Variants in DIDO1 observed in about 807,000 individuals in gnomAD.
DIDO1 encodes death-inducer obliterator 1.
A neutral mutation model predicts 99.4 loss-of-function variants in DIDO1; 16 were observed. That is an observed-to-expected ratio of 0.16 (90% CI 0.11 to 0.24). DIDO1 has a LOEUF of 0.24. Among genes scored for constraint, DIDO1 ranks in the 10% least tolerant of loss-of-function variants. The probability of loss-of-function intolerance (pLI) is 1.00; values close to 1 mark genes in which losing one functional copy is unlikely to be tolerated. For missense variants in DIDO1, 2,996 were observed against 3,014.0 expected, an observed-to-expected ratio of 0.99 and a Z score of 0.14; for synonymous variants, 1,366 against 1,239.1, an observed-to-expected ratio of 1.10 and a Z score of -2.15.
In DIDO1 at chr20:62,880,133, A is replaced by T; in HGVS notation, c.5823T>A (p.His1941Gln). The T allele has an allele frequency of 1.2e-6, 2 of 1,612,488 alleles. No homozygotes were observed. The highest frequency in any genetic ancestry group is 1.7e-6 in the Non-Finnish European group (2 of 1,179,956). The change falls in exon 16 of 16, where the codon CAT becomes CAA. Residue 1941 changes from histidine to glutamine, a missense_variant. Transcript: ENST00000395343. The part of the protein sequence containing the change: ...PSQFETARGP[H>Q]PNQFEGPRGQ... Reference sequence around the variant, plus strand: ...CTCTGGGTCCTTCAAACTGGTTGGGATGAGGGCCCCGGGCAGTTTCAAACT... The same window carrying T: ...CTCTGGGTCCTTCAAACTGGTTGGGTTGAGGGCCCCGGGCAGTTTCAAACT...
chr20:62,901,224 C>T (rs1456556139), intron 6 of DIDO1, among the ~76,000 whole-genome samples: 1 of 152,232 alleles, frequency 6.6e-6, no homozygotes, highest in Non-Finnish European at 1.5e-5. Flanking sequence ...CTTGCAGGGT[C>T]CACAGCTAGA....
chr20:62,892,453 T>G (rs945904660), intron 13 of DIDO1, among the ~76,000 whole-genome samples: 1 of 152,200 alleles, frequency 6.6e-6, no homozygotes, highest in African/African-American at 2.4e-5. Context: ...CGGGGTCATA[T>G]GCGCCACCCC....
intron 6 of DIDO1, among the ~76,000 whole-genome samples, chr20:62,903,261 C>T (rs1329723565): frequency 3.9e-5 from 6 of 152,246 alleles, no homozygotes; most frequent in African/African-American, 1.4e-4. Flanking sequence ...GGCAGAGTGT[C>T]TGTGCACACC....
rs780411026 is a variant in DIDO1, at chr20:62,897,052, C to T, written c.1589-56G>A. On this transcript the variant is annotated intron_variant, in intron 6 of 15. Transcript: ENST00000395343. ...GGAGGACACCACAGGGTGCTGTCAC[C>T]TGACTCTAAAAAGCAGACTTACCCT... is the stretch of plus-strand genomic sequence containing the variant. 3.3e-6 allele frequency: 5 copies of T among 1,505,250 alleles called. No individual in the cohort carries two copies. In the Admixed American group the frequency reaches 1.1e-4, roughly 34 times the overall value. 93.2% of individuals were successfully genotyped at this position (1,505,250 alleles called of 1,614,324 possible). A position where few individuals can be genotyped will look rare whatever the true frequency, so the allele number is the denominator to read the frequency against.
At chr20:62,899,038 T>C (rs2064600861) in intron 6 of DIDO1, among the ~76,000 whole-genome samples, 1 of 149,122 alleles carries the variant, frequency 6.7e-6, no homozygotes, top group East Asian at 2.0e-4. Flanking sequence ...AGCGAGGGGG[T>C]GGGGTGAGGA....
intron 6 of DIDO1, among the ~76,000 whole-genome samples, chr20:62,901,375 G>A (rs888314054): frequency 2.0e-5 from 3 of 152,198 alleles, no homozygotes; most frequent in African/African-American, 7.2e-5. Context: ...TGGACAGATG[G>A]ACGTTCCACT....
chr20:62,885,305 C>G (rs1358794869), intron 15 of DIDO1, among the ~76,000 whole-genome samples: 1 of 152,076 alleles, frequency 6.6e-6, no homozygotes, highest in Non-Finnish European at 1.5e-5. Flanking sequence ...CCTGGGGAAG[C>G]CTAGTGCTGA....
intron 1 of DIDO1, among the ~76,000 whole-genome samples, chr20:62,937,085 A>G (rs1406771911): frequency 6.6e-6 from 1 of 152,264 alleles, no homozygotes; most frequent in East Asian, 1.9e-4. Flanking sequence ...ACCGACCGAC[A>G]TAGCTTACAC....
chr20:62,919,547 G>GAA (rs961675959), intron 1 of DIDO1, among the ~76,000 whole-genome samples: 1 of 139,308 alleles, frequency 7.2e-6, no homozygotes, highest in Admixed American at 7.1e-5. Flanking sequence ...TCTCAAAGAA[G>GAA]AAAAAAAAAA....
Position 62,882,245 on chromosome 20 carries a change from C to T in DIDO1, c.3711G>A (p.Ser1237=), listed in dbSNP as rs778818042. 3.1e-6 allele frequency: 5 copies of T among 1,613,786 alleles called. No homozygotes were observed. In the South Asian group the frequency reaches 3.3e-5, roughly 11 times the overall value. ...GTGGATACTTGGAGGGCTTCTTTTC[C>T]GACTGCGGGACTGTGGCTACTTTTG... The part of the protein sequence containing the change: ...AYPKVATVPQ[S]EKKPSKYPLC... The change falls in exon 16 of 16, where the codon TCG becomes TCA. Residue 1237 remains serine (S), a synonymous_variant. Coordinates refer to ENST00000395343, the MANE Select transcript of DIDO1 (RefSeq NM_001193369.2).
Position 62,894,402 on chromosome 20 carries a change from A to C in DIDO1, c.2572+11T>G. 6.2e-7 allele frequency: 1 copy of C among 1,610,692 alleles called. No individual in the cohort carries two copies. On this transcript the variant is annotated intron_variant, in intron 11 of 15. Coordinates refer to ENST00000395343, the MANE Select transcript of DIDO1 (RefSeq NM_001193369.2). The surrounding 1 kb of genome is among the most constrained non-coding windows in gnomAD (Gnocchi z 4.4). ...TCAGCTCCAAGGCTCCATCCCCTGC[A>C]CTGTGCTCACCTGTGCAAATTTTAC...
intron 1 of DIDO1, among the ~76,000 whole-genome samples, chr20:62,936,151 G>A (rs187802138): frequency 9.8e-4 from 149 of 152,348 alleles, no homozygotes; most frequent in Admixed American, 1.7e-3. Flanking sequence ...GGTGGCTGAC[G>A]CCTGTAAACC....
intron 4 of DIDO1, among the ~76,000 whole-genome samples, chr20:62,908,851 C>T (rs2064863678): frequency 1.3e-5 from 2 of 152,128 alleles, no homozygotes; most frequent in Non-Finnish European, 2.9e-5. Context: ...AGAGCGAAGC[C>T]TCAACTGCAC....
rs1371504830 is a variant in DIDO1 at position 62,893,982 on chromosome 20, A to C, written c.2785T>G (p.Phe929Val). The C allele has an allele frequency of 1.9e-6, 3 of 1,613,876 alleles. No homozygotes were observed. The African/African-American group carries it at 4.0e-5, about 22-fold the overall frequency. ...ASHPNVDRTYFPGPPGDGHPE... is the reference protein window; with the variant it reads ...ASHPNVDRTYVPGPPGDGHPE... Reference sequence around the variant, plus strand: ...TGGCCATCTCCTGGAGGCCCAGGGAAATACGTTCTGTCCACATTTGGATGA... The same window carrying C: ...TGGCCATCTCCTGGAGGCCCAGGGACATACGTTCTGTCCACATTTGGATGA... Residue 929 changes from phenylalanine to valine, a missense_variant, in exon 12 of 16, where the codon TTC becomes GTC. This residue lies in a region of DIDO1 where 898 missense variants were observed against 972.7 expected (regional missense o/e 0.92). Transcript: ENST00000395343.
At chr20:62,936,119 C>T (rs1410127573) in intron 1 of DIDO1, among the ~76,000 whole-genome samples, 2 of 152,208 alleles carry the variant, frequency 1.3e-5, no homozygotes, top group African/African-American at 4.8e-5. Context: ...CACACTTTCT[C>T]CTTGACGTTC....
intron 1 of DIDO1, among the ~76,000 whole-genome samples, chr20:62,919,814 C>T (rs1027241655): frequency 1.3e-5 from 2 of 152,212 alleles, no homozygotes; most frequent in African/African-American, 4.8e-5. Context: ...CTTCCTAGTG[C>T]AAAACACAGG....
At position 62,880,198 on chromosome 20, in the gene DIDO1, G is replaced by T. The variant is rs531481553; in HGVS notation, c.5758C>A (p.Pro1920Thr). ...SQFGGQRGPP[P>T]GHFVGPRGPH... ...CCTCTTGGGCCCACGAAATGACCAG[G>T]GGGTGGTCCTCTCTGACCTCCAAAC... Residue 1920 changes from proline (P) to threonine (T), a missense_variant, in exon 16 of 16, where the codon CCT becomes ACT. Transcript: ENST00000395343. The T allele has an allele frequency of 3.7e-6, 6 of 1,612,394 alleles. No homozygotes were observed. In the East Asian group the frequency reaches 1.1e-4, roughly 30 times the overall value.
Position 62,879,950 on chromosome 20 carries a change from A to AT in DIDO1, c.6005dup (p.Asn2002LysfsTer2). 1 of 1,604,688 alleles carries AT rather than the reference A, an allele frequency of 6.2e-7. No individual in the cohort carries two copies. Among genetic ancestry groups the AT allele is most frequent in the Non-Finnish European group, 8.5e-7 (1 of 1,177,254 alleles). ...AGTGAAATCGCGAAGGGGTCTGCTC[A>AT]TTTTTTTCAGAAAAGGGTGCGGACC... On this transcript the variant is annotated frameshift_variant, in exon 16 of 16. Transcript: ENST00000395343. LOFTEE classifies it low-confidence loss of function (END_TRUNC). The surrounding 1 kb of genome is among the most constrained non-coding windows in gnomAD (Gnocchi z 6.3).
At chr20:62,891,279 C>G (rs2064392313) in intron 14 of DIDO1, 124 bp from the exon 15 acceptor site, 1 of 1,474,980 alleles carries the variant, frequency 6.8e-7, no homozygotes, top group Non-Finnish European at 9.1e-7. Context: ...CACGATCTCA[C>G]AGAGCTGCTG....
Sources: gnomAD v4.1 joint callset for allele counts (sites outside exome capture counted in the v4.1 genomes callset) on GRCh38, gnomAD v4.1.1 for gene constraint, gnomAD v4.1.1 regional missense constraint, Gnocchi (gnomAD v3.1) non-coding constraint, MANE v1.5 for transcripts, NCBI Gene and HGNC (gene_info 2026-07-23, HGNC 2026-07-21) for gene names.